The following MREG variants were observed in gnomAD, a reference collection of about 807,000 sequenced individuals.
MREG encodes dilute suppressor protein homolog.
A neutral mutation model predicts 28.5 loss-of-function variants in MREG; 31 were observed. The ratio of observed to expected loss-of-function variants is 1.09; its 90% CI spans 0.82 to 1.47. The LOEUF is 1.47. Ranked by LOEUF, MREG falls within the 40% of genes most tolerant of loss-of-function variation. The pLI, the probability that MREG is intolerant of heterozygous loss-of-function variation, is 0.00. For missense variants in MREG, 256 were observed against 257.4 expected, an observed-to-expected ratio of 0.99 and a Z score of 0.04; for synonymous variants, 106 against 95.2, an observed-to-expected ratio of 1.11 and a Z score of -0.66.
At chr2:215,992,256 A>C (rs942319130) in intron 2 of MREG, among the ~76,000 whole-genome samples, 26 of 152,254 alleles carry the variant, frequency 1.7e-4, no homozygotes, top group African/African-American at 6.3e-4. Context: ...GCAAATCAAT[A>C]AACGTAATCC....
intron 1 of MREG, among the ~76,000 whole-genome samples, chr2:216,009,956 T>TGGG (rs1694254567): frequency 1.3e-5 from 2 of 152,214 alleles, no homozygotes; most frequent in African/African-American, 4.8e-5. Flanking sequence ...TACTCTGTAA[T>TGGG]GGGCTGAATA....
chr2:216,001,908 C>T (rs1440476544), intron 1 of MREG, among the ~76,000 whole-genome samples: 1 of 152,140 alleles, frequency 6.6e-6, no homozygotes, highest in Non-Finnish European at 1.5e-5. Context: ...GTATCCCAGA[C>T]CACGAAGGGC....
chr2:216,011,224 G>A (rs1158146660), intron 1 of MREG, among the ~76,000 whole-genome samples: 2 of 151,918 alleles, frequency 1.3e-5, no homozygotes, highest in Non-Finnish European at 1.5e-5. Context: ...ATCTTCAGAT[G>A]CCTTGTATAG....
intron 2 of MREG, among the ~76,000 whole-genome samples, chr2:215,991,874 TAAC>T: frequency 6.6e-6 from 1 of 152,144 alleles, no homozygotes; most frequent in East Asian, 1.9e-4. Flanking sequence ...AATAGACCAA[TAAC>T]AAGTTCTGAA....
At chr2:216,000,723 T>C (rs1049876652) in intron 1 of MREG, among the ~76,000 whole-genome samples, 1 of 152,300 alleles carries the variant, frequency 6.6e-6, no homozygotes, top group East Asian at 1.9e-4. Flanking sequence ...AAAGTACTTG[T>C]TGAACGCAAC....
At chr2:215,973,571 CG>C (rs1274364045) in intron 2 of MREG, among the ~76,000 whole-genome samples, 5 of 152,130 alleles carry the variant, frequency 3.3e-5, no homozygotes, top group African/African-American at 1.2e-4. Flanking sequence ...AATGGATAAA[CG>C]CAGGTCCCTG....
intron 1 of MREG, among the ~76,000 whole-genome samples, chr2:216,021,147 G>C (rs951523823): frequency 6.6e-6 from 1 of 152,098 alleles, no homozygotes; most frequent in Non-Finnish European, 1.5e-5. Context: ...AGTATTTGTC[G>C]GGCTTTTTAG....
chr2:215,973,298 C>G (rs1350084033), intron 2 of MREG, among the ~76,000 whole-genome samples: 2 of 152,206 alleles, frequency 1.3e-5, no homozygotes, highest in African/African-American at 4.8e-5. Flanking sequence ...GGCTCAAGAG[C>G]ATGTACTGCA....
intron 1 of MREG, among the ~76,000 whole-genome samples, chr2:216,003,158 C>T (rs1364786345): frequency 6.6e-6 from 1 of 151,908 alleles, no homozygotes; most frequent in African/African-American, 2.4e-5. Flanking sequence ...GGCGATTGTT[C>T]CATTAGTTCC....
At chr2:215,998,275 A>G (rs1356613183) in intron 1 of MREG, among the ~76,000 whole-genome samples, 1 of 150,846 alleles carries the variant, frequency 6.6e-6, no homozygotes, top group East Asian at 1.9e-4. Flanking sequence ...ATTGTACTCC[A>G]GTCTGGGCGA....
chr2:215,983,179 T>C (rs1024878495), intron 2 of MREG, among the ~76,000 whole-genome samples: 4 of 152,198 alleles, frequency 2.6e-5, no homozygotes, highest in Non-Finnish European at 4.4e-5. Flanking sequence ...GTGGTTGGGG[T>C]AAAACTTGCA....
At chr2:215,996,829 G>A (rs1026370113) in intron 1 of MREG, among the ~76,000 whole-genome samples, 1 of 151,650 alleles carries the variant, frequency 6.6e-6, no homozygotes, top group East Asian at 1.9e-4. Flanking sequence ...CACCCAGGCT[G>A]GAGTGCAGTG....
At chr2:215,999,160 C>T (rs949997074) in intron 1 of MREG, among the ~76,000 whole-genome samples, 4 of 152,096 alleles carry the variant, frequency 2.6e-5, no homozygotes, top group South Asian at 2.1e-4. Context: ...ACGTGGTGTG[C>T]GGAGCAAGGA....
chr2:215,944,866 G>T lies in MREG; in HGVS notation c.642C>A (p.Pro214=). The T allele has an allele frequency of 6.3e-7, 1 of 1,589,580 alleles. No homozygotes were observed. Among genetic ancestry groups the T allele is most frequent in the South Asian group, 1.1e-5 (1 of 89,750 alleles). The change falls in exon 5 of 5, where the codon CCC becomes CCA. Residue 214 remains proline, a synonymous_variant. Transcript: ENST00000263268. The part of the protein sequence containing the change: ...KELHYLPFPS[P] ...ATTCTGCCCCTGAGCCTCTCCTTTA[G>T]GGACTTGGAAACGGAAGGTAGTGCA...
chr2:215,983,695 T>TA (rs1249607526), intron 2 of MREG, among the ~76,000 whole-genome samples: 4 of 152,286 alleles, frequency 2.6e-5, no homozygotes, highest in East Asian at 1.9e-4. Flanking sequence ...TCTGTAGTTT[T>TA]AAAAAAATAA....
chr2:216,000,693 A>G (rs928982942), intron 1 of MREG, among the ~76,000 whole-genome samples: 2 of 152,178 alleles, frequency 1.3e-5, no homozygotes, highest in African/African-American at 4.8e-5. Context: ...GCAGGGTCCT[A>G]GGACACAGCA....
chr2:215,989,408 C>T (rs907742641), intron 2 of MREG, among the ~76,000 whole-genome samples: 1 of 152,098 alleles, frequency 6.6e-6, no homozygotes, highest in African/African-American at 2.4e-5. Context: ...ATATCAAAGA[C>T]CGAAGGTAGA....
At chr2:215,946,080 A>T (rs1574586923) in intron 3 of MREG, among the ~76,000 whole-genome samples, 1 of 151,486 alleles carries the variant, frequency 6.6e-6, no homozygotes, top group African/African-American at 2.4e-5. Context: ...CAGAATTCCT[A>T]CCTGCCTCCC....
chr2:215,967,508 T>C (rs1692974528), intron 2 of MREG, among the ~76,000 whole-genome samples: 2 of 152,194 alleles, frequency 1.3e-5, no homozygotes, highest in African/African-American at 4.8e-5. Flanking sequence ...GCTAGAAGAT[T>C]CTCTCAATCT....
Sources: gnomAD v4.1 joint callset for allele counts (sites outside exome capture counted in the v4.1 genomes callset) on GRCh38, gnomAD v4.1.1 for gene constraint, MANE v1.5 for transcripts, NCBI Gene and HGNC (gene_info 2026-07-23, HGNC 2026-07-21) for gene names.